The following MAGI1 variants were observed in gnomAD, a reference collection of about 807,000 sequenced individuals.
The protein encoded by MAGI1 is membrane-associated guanylate kinase, WW and PDZ domain-containing protein 1.
Under a neutral mutation model 139.9 loss-of-function variants are expected in MAGI1, and 58 were observed. The observed-to-expected ratio is 0.41, with a 90% confidence interval of 0.34 to 0.52. MAGI1 has a LOEUF of 0.52. Ranked by LOEUF, MAGI1 falls within the 20% of genes least tolerant of loss-of-function variation. MAGI1 has a pLI of 0.12. For synonymous variants in MAGI1, 812 were observed against 737.9 expected, an observed-to-expected ratio of 1.10 and a Z score of -1.63; for missense variants, 1,874 against 1,901.6, an observed-to-expected ratio of 0.99 and a Z score of 0.27.
At chr3:65,805,802 C>A (rs972105567) in intron 1 of MAGI1, among the ~76,000 whole-genome samples, 1 of 152,128 alleles carries the variant, frequency 6.6e-6, no homozygotes, top group Non-Finnish European at 1.5e-5. Flanking sequence ...ATAGATGGAG[C>A]TGGAAGCCAT....
chr3:65,549,023 C>A (rs1437856581), intron 2 of MAGI1, among the ~76,000 whole-genome samples: 3 of 152,184 alleles, frequency 2.0e-5, no homozygotes, highest in Non-Finnish European at 2.9e-5. Flanking sequence ...AACGAGCCTG[C>A]GGCTGATGGG....
intron 1 of MAGI1, among the ~76,000 whole-genome samples, chr3:65,923,900 T>C (rs554371277): frequency 3.9e-5 from 6 of 152,212 alleles, no homozygotes; most frequent in Middle Eastern, 3.2e-3. Context: ...CTGTAGAGGA[T>C]AAGCACCTAA....
intron 12 of MAGI1, among the ~76,000 whole-genome samples, chr3:65,415,340 C>A (rs1174438117): frequency 6.6e-6 from 1 of 152,188 alleles, no homozygotes; most frequent in African/African-American, 2.4e-5. Flanking sequence ...GAGCAAGGGG[C>A]CAGAAAATAA....
chr3:65,899,098 T>C, intron 1 of MAGI1, among the ~76,000 whole-genome samples: 2 of 152,134 alleles, frequency 1.3e-5, no homozygotes, highest in South Asian at 4.1e-4. Flanking sequence ...CTAATTTTTT[T>C]GTAGAGACGG....
At chr3:65,841,451 T>G (rs2058803204) in intron 1 of MAGI1, among the ~76,000 whole-genome samples, 1 of 107,332 alleles carries the variant, frequency 9.3e-6, no homozygotes, top group Non-Finnish European at 2.0e-5. Context: ...GTTTTTGTTT[T>G]TGTTTTTTTT....
At chr3:65,816,932 T>C (rs2108229440) in intron 1 of MAGI1, among the ~76,000 whole-genome samples, 1 of 152,298 alleles carries the variant, frequency 6.6e-6, no homozygotes, top group South Asian at 2.1e-4. Flanking sequence ...AAATATCTAT[T>C]CAACGGACTA....
chr3:66,024,596 C>T (rs1402170617), intron 1 of MAGI1, among the ~76,000 whole-genome samples: 2 of 152,018 alleles, frequency 1.3e-5, no homozygotes, highest in Admixed American at 6.5e-5. Flanking sequence ...CACCTGAGGT[C>T]GGGAGTTCAA....
rs142351108 is a variant in MAGI1 at position 65,381,633 on chromosome 3, T to C, written c.2701+244A>G. ...GCAAGGAGATAGAAGGGAAGTAATATATATTCAACTAGCCTTCCTCTGGAA... is the reference window on the plus strand; with the variant it reads ...GCAAGGAGATAGAAGGGAAGTAATACATATTCAACTAGCCTTCCTCTGGAA... On this transcript the variant is annotated intron_variant, in intron 16 of 22. Transcript: ENST00000402939. 1.5e-3 allele frequency among the ~76,000 whole-genome samples: 234 copies of C among 152,294 alleles called. 5 individuals carry two copies. In the East Asian group the frequency reaches 0.039, roughly 26 times the overall value.
chr3:65,680,106 T>C (rs1380015038), intron 1 of MAGI1, among the ~76,000 whole-genome samples: 1 of 152,214 alleles, frequency 6.6e-6, no homozygotes, highest in East Asian at 1.9e-4. Flanking sequence ...CAGCATCCTA[T>C]AGACAAAGGC....
At chr3:65,910,823 T>G (rs1305121276) in intron 1 of MAGI1, among the ~76,000 whole-genome samples, 1 of 142,438 alleles carries the variant, frequency 7.0e-6, no homozygotes, top group Non-Finnish European at 1.5e-5. Flanking sequence ...TAGATGGGTG[T>G]CTACCTTGAG....
At chr3:65,376,628 C>CT (rs1311152238) in intron 17 of MAGI1, among the ~76,000 whole-genome samples, 1 of 152,206 alleles carries the variant, frequency 6.6e-6, no homozygotes. Flanking sequence ...GCTCAAGCAG[C>CT]TAGTCTTATG....
intron 2 of MAGI1, among the ~76,000 whole-genome samples, chr3:65,580,701 A>G (rs1282868789): frequency 2.0e-5 from 3 of 152,208 alleles, no homozygotes; most frequent in East Asian, 1.9e-4. Context: ...GCAGATACCA[A>G]TCTTGGGCTA....
chr3:65,767,684 C>A (rs1012164381), intron 1 of MAGI1, among the ~76,000 whole-genome samples: 1 of 152,170 alleles, frequency 6.6e-6, no homozygotes, highest in Non-Finnish European at 1.5e-5. Flanking sequence ...CCCAACAGAA[C>A]AGACCAAACC....
chr3:65,858,816 A>G (rs1227862213), intron 1 of MAGI1, among the ~76,000 whole-genome samples: 1 of 152,260 alleles, frequency 6.6e-6, no homozygotes, highest in African/African-American at 2.4e-5. Context: ...CTGCATATAA[A>G]TTAAAATAGT....
chr3:65,683,202 T>C (rs1459565531), intron 1 of MAGI1, among the ~76,000 whole-genome samples: 1 of 152,058 alleles, frequency 6.6e-6, no homozygotes, highest in African/African-American at 2.4e-5. Context: ...TGGTATACAA[T>C]GGTGGATACA....
chr3:65,612,376 T>A (rs948323824), intron 2 of MAGI1, among the ~76,000 whole-genome samples: 8 of 152,114 alleles, frequency 5.3e-5, no homozygotes, highest in Admixed American at 3.3e-4. Context: ...AATATATTTG[T>A]AACCATTTTT....
intron 8 of MAGI1, among the ~76,000 whole-genome samples, chr3:65,441,774 A>C (rs1441020128): frequency 6.6e-6 from 1 of 152,166 alleles, no homozygotes; most frequent in African/African-American, 2.4e-5. Flanking sequence ...CTTGTTAGGC[A>C]AAGTGGAGGT....
chr3:65,648,798 A>C (rs2085419809), intron 1 of MAGI1, among the ~76,000 whole-genome samples: 1 of 152,226 alleles, frequency 6.6e-6, no homozygotes, highest in Admixed American at 6.5e-5. Context: ...ACTTGATTTT[A>C]CAACTTAATA....
rs574169641 is a variant in MAGI1, at chr3:66,012,854, C to T, written c.313+25142G>A. Among the ~76,000 whole-genome samples the T allele has an allele frequency of 2.6e-5, 4 of 151,978 alleles. 1 individual carries two copies. Among genetic ancestry groups the T allele is most frequent in the South Asian group, 4.2e-4 (2 of 4,806 alleles). ...ACATCAGAAGTGCCCCTGTAATGTC[C>T]GGTAAATCTGAATCACTGCTATTTT... On this transcript the variant is annotated intron_variant, in intron 1 of 22. Coordinates refer to ENST00000402939, the MANE Select transcript of MAGI1 (RefSeq NM_001033057.2).
Sources: allele counts gnomAD v4.1 joint callset (sites outside exome capture counted in the v4.1 genomes callset), GRCh38; gene constraint gnomAD v4.1.1; transcripts MANE v1.5; gene names NCBI Gene and HGNC (gene_info 2026-07-23, HGNC 2026-07-21).